The following DUSP29 variants were observed in gnomAD, a reference collection of about 807,000 sequenced individuals.
The protein encoded by DUSP29 is dual specificity phosphatase 29.
In DUSP29, 12 loss-of-function variants were observed where a neutral mutation model predicts 13.5. The observed-to-expected ratio is 0.89, with a 90% CI of 0.57 to 1.44. The LOEUF is 1.44. Among genes scored for constraint, DUSP29 ranks in the 40% most tolerant of loss-of-function variants. The pLI is 0.00. For missense variants in DUSP29, 308 were observed against 301.1 expected (o/e 1.02, Z -0.17); for synonymous variants, 134 against 128.7 (o/e 1.04, Z -0.28).
At chr10:75,058,918 AT>A (rs1418063705) in intron 1 of DUSP29, among the ~76,000 whole-genome samples, 2 of 152,170 alleles carry the variant, frequency 1.3e-5, no homozygotes, top group Admixed American at 1.3e-4. Flanking sequence ...GGTTTGGGCC[AT>A]TTGGGACCCA....
intron 2 of DUSP29, among the ~76,000 whole-genome samples, chr10:75,051,698 A>G (rs1846833398): frequency 6.6e-6 from 1 of 152,186 alleles, no homozygotes; most frequent in South Asian, 2.1e-4. Context: ...GCTTTTAGGG[A>G]AAGGAAAAAC....
At position 75,043,817 on chromosome 10, in the gene DUSP29, C is replaced by A; in HGVS notation, c.401G>T (p.Arg134Ile). 6.2e-7 allele frequency: 1 copy of A among 1,613,542 alleles called. No individual in the cohort carries two copies. The highest frequency in any genetic ancestry group is 8.5e-7 in the Non-Finnish European group (1 of 1,179,888). The stretch of plus-strand genomic sequence containing the variant: ...CTTACTGTGGTCGTCGCTTAGCGCT[C>A]TGTCGATGAAGGCTGCCGCCGGGTA... ...FFYPAAAFID[R>I]ALSDDHSKIL... The change falls in exon 3 of 4, where the codon AGA becomes ATA. Residue 134 changes from arginine to isoleucine, a missense_variant. Physicochemically the swap from Arg to Ile is moderately conservative, Grantham distance 97. Transcript: ENST00000338487.
intron 1 of DUSP29, among the ~76,000 whole-genome samples, chr10:75,071,969 G>A (rs4746258): frequency 0.1 from 15,513 of 152,238 alleles, 1,073 homozygotes; most frequent in South Asian, 0.3. Context: ...ATTGACAAGC[G>A]GAATGATGCG....
chr10:75,070,859 G>A (rs1272047928), intron 1 of DUSP29, among the ~76,000 whole-genome samples: 1 of 152,234 alleles, frequency 6.6e-6, no homozygotes, highest in Non-Finnish European at 1.5e-5. Flanking sequence ...CGTTACTGTG[G>A]AACGGGTAGG....
At chr10:75,073,191 G>A (rs941647756) in intron 1 of DUSP29, among the ~76,000 whole-genome samples, 2 of 151,778 alleles carry the variant, frequency 1.3e-5, no homozygotes, top group South Asian at 4.2e-4. Flanking sequence ...TCACTCCAGG[G>A]CCTCTCTCTC....
At chr10:75,045,562 T>C (rs1237291604) in intron 2 of DUSP29, among the ~76,000 whole-genome samples, 1 of 152,078 alleles carries the variant, frequency 6.6e-6, no homozygotes. Flanking sequence ...GGAGGTGGTG[T>C]TTAAGCCAAG....
chr10:75,066,381 C>A (rs1479420393), intron 1 of DUSP29, among the ~76,000 whole-genome samples: 2 of 152,004 alleles, frequency 1.3e-5, no homozygotes. Context: ...TTCTCGGTGA[C>A]TCCAAGAAAT....
Position 75,041,713 on chromosome 10 carries a change from T to A in DUSP29, c.421+2084A>T, listed in dbSNP as rs1432058161. On this transcript the variant is annotated intron_variant, in intron 3 of 3. Transcript: ENST00000338487. ...CCCCATCCCTAGCCATCTGGTCGAG[T>A]CCCGGCACCCCCATCCATTCATTCT... Among the ~76,000 whole-genome samples, 5 of 152,260 alleles carry A rather than the reference T, an allele frequency of 3.3e-5. No individual in the cohort carries two copies. The South Asian group carries it at 1.0e-3, about 32-fold the overall frequency.
intron 2 of DUSP29, among the ~76,000 whole-genome samples, chr10:75,051,235 G>A (rs1846822235): frequency 6.6e-6 from 1 of 152,234 alleles, no homozygotes; most frequent in Non-Finnish European, 1.5e-5. Context: ...TGGGTGGCAA[G>A]GCACAGTGAC....
intron 1 of DUSP29, among the ~76,000 whole-genome samples, chr10:75,060,033 G>T (rs1307397137): frequency 6.6e-6 from 1 of 151,610 alleles, no homozygotes; most frequent in African/African-American, 2.4e-5. Context: ...AGTGGCGGGT[G>T]CCTGTAATCC....
Position 75,043,973 on chromosome 10 carries a change from G to T in DUSP29, c.245C>A (p.Thr82Lys). 1 of 1,613,010 alleles carries T rather than the reference G, an allele frequency of 6.2e-7. No homozygotes were observed. Among genetic ancestry groups the T allele is most frequent in the Non-Finnish European group, 8.5e-7 (1 of 1,179,924 alleles). ...DRYRLQKAGFTHVLNAAHGRW... is the reference protein window; with the variant it reads ...DRYRLQKAGFKHVLNAAHGRW... ...GCCGTGGGCCGCGTTCAGCACGTGC[G>T]TGAACCCCGCCTTCTGCAGCCTATA... The change falls in exon 3 of 4, where the codon ACG becomes AAG. Residue 82 changes from threonine (T) to lysine (K), a missense_variant. Thr to Lys is a moderately conservative substitution (Grantham distance 78). Transcript: ENST00000338487.
At chr10:75,038,836 A>G (rs1052548844) in intron 3 of DUSP29, among the ~76,000 whole-genome samples, 2 of 152,110 alleles carry the variant, frequency 1.3e-5, no homozygotes, top group African/African-American at 4.8e-5. Context: ...CTAGGGCATG[A>G]GGCCGGGCGC....
intron 2 of DUSP29, among the ~76,000 whole-genome samples, chr10:75,050,657 T>C (rs917499274): frequency 6.6e-6 from 1 of 152,282 alleles, no homozygotes; most frequent in African/African-American, 2.4e-5. Context: ...ACTGGGACGC[T>C]GTGCCGAGTC....
intron 2 of DUSP29, among the ~76,000 whole-genome samples, chr10:75,051,274 A>G (rs1047137236): frequency 3.3e-5 from 5 of 152,220 alleles, no homozygotes; most frequent in African/African-American, 1.2e-4. Flanking sequence ...TACACTGTGA[A>G]TCGAATTTCC....
At chr10:75,066,992 C>T (rs1847218491) in intron 1 of DUSP29, among the ~76,000 whole-genome samples, 1 of 137,706 alleles carries the variant, frequency 7.3e-6, no homozygotes, top group Non-Finnish European at 1.5e-5. Flanking sequence ...GAGTCTTACT[C>T]TGTCGCTCAG....
At chr10:75,064,402 G>C (rs1482723522) in intron 1 of DUSP29, among the ~76,000 whole-genome samples, 1 of 152,154 alleles carries the variant, frequency 6.6e-6, no homozygotes, top group Non-Finnish European at 1.5e-5. Context: ...CAGTGACTTG[G>C]GAGGCTGAGG....
intron 1 of DUSP29, among the ~76,000 whole-genome samples, chr10:75,059,320 G>T (rs1385773819): frequency 6.6e-6 from 1 of 152,178 alleles, no homozygotes; most frequent in Non-Finnish European, 1.5e-5. Flanking sequence ...CCAAGGAGAG[G>T]AATTTGCAGT....
intron 2 of DUSP29, among the ~76,000 whole-genome samples, chr10:75,056,725 A>G (rs1263282385): frequency 6.6e-6 from 1 of 152,142 alleles, no homozygotes; most frequent in Non-Finnish European, 1.5e-5. Context: ...TGTTGGCAAT[A>G]GCCCACACAA....
At position 75,058,243 on chromosome 10, in the gene DUSP29, G is replaced by A. The variant is rs906098508; in HGVS notation, c.200+72C>T. 6 of 1,524,132 alleles carry A rather than the reference G, an allele frequency of 3.9e-6. No homozygotes were observed. The East Asian group carries it at 1.4e-4, about 35-fold the overall frequency. The allele number at this position is 1,524,132 out of a possible 1,614,324, so 94.4% of individuals were successfully genotyped here. A position where few individuals can be genotyped will look rare whatever the true frequency, so the allele number is the denominator to read the frequency against. On this transcript the variant is annotated intron_variant, in intron 2 of 3. Coordinates refer to ENST00000338487, the MANE Select transcript of DUSP29 (RefSeq NM_001003892.3). ...TACAAATTCCAAAGCCCATGGCTAG[G>A]AGGTGGCGCAGGGCGTGGCCTGGGG...
Sources: allele counts gnomAD v4.1 joint callset (sites outside exome capture counted in the v4.1 genomes callset), GRCh38; gene constraint gnomAD v4.1.1; transcripts MANE v1.5; gene names NCBI Gene and HGNC (gene_info 2026-07-23, HGNC 2026-07-21).